SLC8A1: variants seen among roughly 807,000 people sequenced by gnomAD.
The protein encoded by SLC8A1 is solute carrier family 8 member A1.
A neutral mutation model predicts 68.3 loss-of-function variants in SLC8A1; 18 were observed. The ratio of observed to expected loss-of-function variants is 0.26; its 90% confidence interval spans 0.18 to 0.39. The LOEUF (loss-of-function observed/expected upper bound fraction) is 0.39. Among genes scored for constraint, SLC8A1 ranks in the 10% least tolerant of loss-of-function variants. The pLI, the probability that SLC8A1 is intolerant of heterozygous loss-of-function variation, is 1.00. For synonymous variants in SLC8A1, 475 were observed against 415.5 expected (o/e 1.14, Z -1.74); for missense variants, 985 against 1,156.7 (o/e 0.85, Z 2.15).
intron 2 of SLC8A1, among the ~76,000 whole-genome samples, chr2:40,192,846 G>A (rs2052147794): frequency 6.6e-6 from 1 of 152,072 alleles, no homozygotes; most frequent in South Asian, 2.1e-4. Flanking sequence ...GAGATTCAAA[G>A]TTTGGTGAGA....
At chr2:40,403,843 T>C (rs1300214902) in intron 2 of SLC8A1, among the ~76,000 whole-genome samples, 1 of 152,108 alleles carries the variant, frequency 6.6e-6, no homozygotes, top group Non-Finnish European at 1.5e-5. Context: ...AGCACAAAAA[T>C]ACAGCTATGA....
At chr2:40,197,951 C>T (rs375381305) in intron 2 of SLC8A1, among the ~76,000 whole-genome samples, 14 of 151,884 alleles carry the variant, frequency 9.2e-5, no homozygotes, top group Non-Finnish European at 1.3e-4. Context: ...AGCAGTGCCT[C>T]CACCCCACAT....
intron 2 of SLC8A1, among the ~76,000 whole-genome samples, chr2:40,396,852 T>C (rs1341406541): frequency 6.7e-6 from 1 of 149,932 alleles, no homozygotes; most frequent in Non-Finnish European, 1.5e-5. Context: ...CCAGTGATAA[T>C]GACCTGACTT....
chr2:40,432,645 T>C (rs1698594127), intron 1 of SLC8A1, among the ~76,000 whole-genome samples: 1 of 151,794 alleles, frequency 6.6e-6, no homozygotes, highest in Non-Finnish European at 1.5e-5. Context: ...AAGAGGGTAA[T>C]GGACCAAGGG....
chr2:40,198,920 T>C (rs928663951), intron 2 of SLC8A1, among the ~76,000 whole-genome samples: 2 of 142,124 alleles, frequency 1.4e-5, no homozygotes, highest in African/African-American at 5.1e-5. Flanking sequence ...TGCAGCTTAA[T>C]GGAAAGCTAA....
intron 1 of SLC8A1, among the ~76,000 whole-genome samples, chr2:40,497,187 C>A (rs572562902): frequency 1.1e-4 from 17 of 152,092 alleles, no homozygotes; most frequent in East Asian, 3.9e-4. Flanking sequence ...AAGGGAAAGA[C>A]CTCCTGCTTG....
At chr2:40,508,643 C>T (rs867028151) in intron 1 of SLC8A1, among the ~76,000 whole-genome samples, 15 of 152,182 alleles carry the variant, frequency 9.9e-5, no homozygotes, top group African/African-American at 3.6e-4. Context: ...ATAGAGAAAA[C>T]TTCCTTTTAA....
At chr2:40,420,038 C>G (rs1261491886) in intron 2 of SLC8A1, among the ~76,000 whole-genome samples, 1 of 152,098 alleles carries the variant, frequency 6.6e-6, no homozygotes, top group African/African-American at 2.4e-5. Context: ...ACTGGACATT[C>G]ATGTGATTTT....
At chr2:40,129,132 G>A (rs2038789800) in intron 7 of SLC8A1, among the ~76,000 whole-genome samples, 1 of 152,112 alleles carries the variant, frequency 6.6e-6, no homozygotes, top group Non-Finnish European at 1.5e-5. Context: ...TGCATTTTAT[G>A]GTATGTAAGT....
Position 40,131,178 on chromosome 2 carries a change from A to G in SLC8A1, c.2437+8223T>C, listed in dbSNP as rs1341657469. Among the ~76,000 whole-genome samples the G allele has an allele frequency of 2.6e-5, 4 of 152,118 alleles. No homozygotes were observed. The South Asian group carries it at 6.2e-4, about 24-fold the overall frequency. The stretch of plus-strand genomic sequence containing the variant: ...TATTCTGGCTTAGAGGAGTTAAGCA[A>G]TTTGCCTCTGGGGATGTCATACATC... On this transcript the variant is annotated intron_variant, in intron 7 of 7. Transcript: ENST00000406785.
intron 2 of SLC8A1, among the ~76,000 whole-genome samples, chr2:40,281,451 T>C (rs1203910795): frequency 6.6e-6 from 1 of 152,226 alleles, no homozygotes; most frequent in Non-Finnish European, 1.5e-5. Context: ...AGGCCAACTC[T>C]ATGCAGGCTA....
intron 2 of SLC8A1, among the ~76,000 whole-genome samples, chr2:40,394,882 T>TTCTGTGCCAAGAACTCTAC (rs1443219236): frequency 6.6e-6 from 1 of 152,146 alleles, no homozygotes; most frequent in Non-Finnish European, 1.5e-5. Flanking sequence ...TGTTAGCATC[T>TTCTGTGCCAAGAACTCTAC]TCTGTGCCAA....
chr2:40,347,934 T>A (rs1369032022), intron 2 of SLC8A1, among the ~76,000 whole-genome samples: 1 of 152,234 alleles, frequency 6.6e-6, no homozygotes, highest in Non-Finnish European at 1.5e-5. Context: ...CTGTCTAAGA[T>A]GGCCCACTTG....
chr2:40,339,721 T>A (rs1667098591), intron 2 of SLC8A1, among the ~76,000 whole-genome samples: 1 of 152,200 alleles, frequency 6.6e-6, no homozygotes, highest in Non-Finnish European at 1.5e-5. Flanking sequence ...TACTGATGAA[T>A]TGAGGTAAGG....
rs369604445 is a variant in SLC8A1 at position 40,310,786 on chromosome 2, C to G, written c.1808+117687G>C. ...ACAATAGCTCACTGCCATGGGACCA[C>G]GGCATGGGATCCCAACAGATGGATC... On this transcript the variant is annotated intron_variant, in intron 2 of 7. Transcript: ENST00000406785. 1.1e-4 allele frequency among the ~76,000 whole-genome samples: 17 copies of G among 152,232 alleles called. No individual in the cohort carries two copies. The South Asian group carries it at 3.5e-3, about 32-fold the overall frequency.
intron 2 of SLC8A1, among the ~76,000 whole-genome samples, chr2:40,311,902 A>G (rs1479579493): frequency 6.6e-6 from 1 of 152,196 alleles, no homozygotes; most frequent in Admixed American, 6.6e-5. Flanking sequence ...CTCAGAAAAT[A>G]GTTCTACATC....
At chr2:40,496,949 A>T (rs961627134) in intron 1 of SLC8A1, among the ~76,000 whole-genome samples, 1 of 147,464 alleles carries the variant, frequency 6.8e-6, no homozygotes, top group African/African-American at 2.5e-5. Flanking sequence ...GGGGAGGGAT[A>T]GCATTGGGAG....
In SLC8A1 at chr2:40,138,828, A is replaced by T. The variant is rs546567103; in HGVS notation, c.2437+573T>A. ...AAAAAATTCAGCTTGTAAGGAATGC[A>T]TGAAGGGATGTTCATGAAATATACA... is the stretch of plus-strand genomic sequence containing the variant. On this transcript the variant is annotated intron_variant, in intron 7 of 7. Transcript: ENST00000406785. Among the ~76,000 whole-genome samples the T allele has an allele frequency of 7.2e-5, 11 of 152,336 alleles. No homozygotes were observed. In the East Asian group the frequency reaches 2.1e-3, roughly 29 times the overall value.
intron 2 of SLC8A1, among the ~76,000 whole-genome samples, chr2:40,428,128 G>T (rs1005159923): frequency 6.6e-6 from 1 of 152,074 alleles, no homozygotes; most frequent in Non-Finnish European, 1.5e-5. Flanking sequence ...TATATACCAT[G>T]TGATTCAAAA....
Sources: allele counts gnomAD v4.1 joint callset (sites outside exome capture counted in the v4.1 genomes callset), GRCh38; gene constraint gnomAD v4.1.1; transcripts MANE v1.5; gene names NCBI Gene and HGNC (gene_info 2026-07-23, HGNC 2026-07-21).